The following LY9 variants were observed in gnomAD, a reference collection of about 807,000 sequenced individuals.
The protein encoded by LY9 is lymphocyte antigen 9.
A neutral mutation model predicts 64.6 loss-of-function variants in LY9; 59 were observed. The observed-to-expected ratio is 0.91, with a 90% CI of 0.74 to 1.13. The LOEUF (loss-of-function observed/expected upper bound fraction) is 1.13, where lower values mean the gene tolerates loss of function less well. Among genes scored for constraint, LY9 ranks in the 50% most tolerant of loss-of-function variants. The pLI is 0.00. For missense variants in LY9, 789 were observed against 797.2 expected (o/e 0.99, Z 0.12); for synonymous variants, 281 against 308.5 (o/e 0.91, Z 0.93).
intron 6 of LY9, among the ~76,000 whole-genome samples, chr1:160,819,068 T>C (rs1296327794): frequency 6.6e-6 from 1 of 152,156 alleles, no homozygotes; most frequent in Non-Finnish European, 1.5e-5. Flanking sequence ...TCAGTGGCTA[T>C]GGCAGAGGAG....
chr1:160,824,140 CAT>C (rs1427826917), intron 8 of LY9, 39 bp from the exon 9 acceptor site: 1 of 1,612,966 alleles, frequency 6.2e-7, no homozygotes, highest in East Asian at 2.2e-5. Flanking sequence ...GAAAAGCTCT[CAT>C]GTGGTCACTA....
rs1262048551 is a variant in LY9 at position 160,813,661 on chromosome 1, C to T, written c.480C>T (p.Thr160=). Residue 160 remains threonine, a synonymous_variant, in exon 3 of 10, where the codon ACC becomes ACT. Transcript: ENST00000263285. ...AGCAGCTGCAGGAGCCCCAAGTCAC[C>T]ATGAAGTCTGTGAAGGTGTCTGAGA... ...VYEQLQEPQV[T]MKSVKVSENF... 6.2e-7 allele frequency: 1 copy of T among 1,614,060 alleles called. No homozygotes were observed. Among genetic ancestry groups the T allele is most frequent in the Admixed American group, 1.7e-5 (1 of 60,018 alleles).
At chr1:160,814,340 C>T in intron 3 of LY9, 80 bp from the exon 4 acceptor site, 1 of 1,090,088 alleles carries the variant, frequency 9.2e-7, no homozygotes. Flanking sequence ...CTTCAGTCCC[C>T]TCAGTCCCCT....
intron 5 of LY9, among the ~76,000 whole-genome samples, chr1:160,817,729 C>T (rs920748067): frequency 6.6e-6 from 1 of 152,166 alleles, no homozygotes; most frequent in African/African-American, 2.4e-5. Context: ...CAAGGTCACA[C>T]CATAAAAGCT....
chr1:160,796,289 C>T lies in LY9; in HGVS notation c.102C>T (p.Thr34=), dbSNP rs759579090. Residue 34 remains threonine (T), a synonymous_variant, in exon 1 of 10, where the codon ACC becomes ACT. Coordinates refer to ENST00000263285, the MANE Select transcript of LY9 (RefSeq NM_002348.4). ...QLQIFSSVLQ[T]SLLFLLMGLR... The stretch of plus-strand genomic sequence containing the variant: ...AAATATTCTCTTCTGTTCTACAGAC[C>T]TCTCTCCTCTTCCTGCTCATGGGTA... 3 of 1,613,268 alleles carry T rather than the reference C, an allele frequency of 1.9e-6. No homozygotes were observed. Among genetic ancestry groups the T allele is most frequent in the Non-Finnish European group, 1.7e-6 (2 of 1,179,924 alleles).
intron 7 of LY9, among the ~76,000 whole-genome samples, chr1:160,820,105 A>G (rs1361414409): frequency 3.3e-5 from 5 of 152,208 alleles, no homozygotes; most frequent in African/African-American, 9.7e-5. Flanking sequence ...GTGGACTACA[A>G]TGAGGATGGA....
rs1271130593 is a variant in LY9, at chr1:160,814,629, T to C, written c.940T>C (p.Trp314Arg). The C allele has an allele frequency of 1.2e-6, 2 of 1,614,158 alleles. No individual in the cohort carries two copies. The highest frequency in any genetic ancestry group is 1.1e-5 in the South Asian group (1 of 91,082). The change falls in exon 4 of 10, where the codon TGG becomes CGG. Residue 314 changes from tryptophan to arginine, a missense_variant. Trp to Arg is a moderately radical substitution (Grantham distance 101). Transcript: ENST00000263285. ...CAGGGATCCTTACAAGAACAGGGTG[T>C]GGGTCTCCAGCCAGGACTGCTCCCT... ...KSRDPYKNRVWVSSQDCSLKI... is the reference protein window; with the variant it reads ...KSRDPYKNRVRVSSQDCSLKI...
rs368988487 is a variant in LY9 at position 160,818,186 on chromosome 1, T to C, written c.1343-32T>C. ...TTGCTCCAGTGTGTCTTGTCATTATTTGAATTAACATCACTCATTTCCTCC... is the reference window on the plus strand; with the variant it reads ...TTGCTCCAGTGTGTCTTGTCATTATCTGAATTAACATCACTCATTTCCTCC... On this transcript the variant is annotated intron_variant, in intron 5 of 9. Transcript: ENST00000263285. 13 of 1,422,464 alleles carry C rather than the reference T, an allele frequency of 9.1e-6. No homozygotes were observed. In the African/African-American group the frequency reaches 1.7e-4, roughly 18 times the overall value. The allele number at this position is 1,422,464 out of a possible 1,614,324, so 88.1% of individuals were successfully genotyped here. A position where few individuals can be genotyped will look rare whatever the true frequency, so the allele number is the denominator to read the frequency against.
At chr1:160,805,406 C>CA (rs769799301) in intron 2 of LY9, among the ~76,000 whole-genome samples, 2 of 151,814 alleles carry the variant, frequency 1.3e-5, no homozygotes, top group Non-Finnish European at 2.9e-5. Context: ...GTATCATTTC[C>CA]AAAGTTCCTG....
rs757832588 is a variant in LY9, at chr1:160,827,853, G to A, written c.*37G>A. 5.8e-5 allele frequency: 91 copies of A among 1,578,926 alleles called. No individual in the cohort carries two copies. The highest frequency in any genetic ancestry group is 7.6e-5 in the Non-Finnish European group (88 of 1,156,120). ...GCTGCTGCCTCTCTCCTGGGACCGT[G>A]GGGTTGGAAAGTCAGCTGGACCTCA... On this transcript the variant is annotated 3_prime_UTR_variant, in exon 10 of 10. Coordinates refer to ENST00000263285, the MANE Select transcript of LY9 (RefSeq NM_002348.4).
rs747172463 is a variant in LY9 at position 160,816,624 on chromosome 1, G to T, written c.1103G>T (p.Ser368Ile). 5 of 1,611,198 alleles carry T rather than the reference G, an allele frequency of 3.1e-6. No individual in the cohort carries two copies. The highest frequency in any genetic ancestry group is 1.3e-5 in the African/African-American group (1 of 74,896). Residue 368 changes from serine to isoleucine, a missense_variant, in exon 5 of 10, where the codon AGC becomes ATC. Coordinates refer to ENST00000263285, the MANE Select transcript of LY9 (RefSeq NM_002348.4). Reference protein sequence around the residue: ...RRLRKPKITWSLRHSEDGICR... With the variant: ...RRLRKPKITWILRHSEDGICR... ...CTGAGGAAGCCCAAAATCACGTGGA[G>T]CCTCAGGCACAGTGAGGATGGCATC... is the stretch of plus-strand genomic sequence containing the variant.
intron 2 of LY9, chr1:160,811,547 G>T (rs1281620224): frequency 6.6e-6 from 1 of 152,158 alleles, no homozygotes; most frequent in Non-Finnish European, 1.5e-5. Flanking sequence ...AAACTAGGCA[G>T]TGCCTTCAGC....
intron 2 of LY9, chr1:160,811,621 C>T (rs756861458): frequency 6.6e-6 from 1 of 152,208 alleles, no homozygotes; most frequent in Non-Finnish European, 1.5e-5. Context: ...CTGCTTTCCA[C>T]AAAACACTAG....
rs1553256966 is a variant in LY9 at position 160,803,301 on chromosome 1, T to TA, written c.454+3224dup. Among the ~76,000 whole-genome samples, 1,054 of 151,760 alleles carry TA rather than the reference T, an allele frequency of 6.9e-3. 12 individuals carry two copies. The highest frequency in any genetic ancestry group is 0.024 in the African/African-American group (987 of 41,348). ...GTGTCTAAAAAAAAATTTTTTTTTT[T>TA]AAAAAGTATTGTTTTTCTAATCTGA... On this transcript the variant is annotated intron_variant, in intron 2 of 9. Transcript: ENST00000263285.
intron 2 of LY9, chr1:160,813,234 A>T (rs1048861287): frequency 2.0e-5 from 4 of 198,452 alleles, no homozygotes; most frequent in Non-Finnish European, 3.1e-5. Flanking sequence ...GGCAACTCAA[A>T]TTCTAGAAGC....
intron 2 of LY9, among the ~76,000 whole-genome samples, chr1:160,809,411 T>C (rs1156996557): frequency 6.6e-6 from 1 of 151,670 alleles, no homozygotes; most frequent in Non-Finnish European, 1.5e-5. Flanking sequence ...CATTTTGTTG[T>C]CCAGGCTAGT....
At chr1:160,799,503 C>G in intron 1 of LY9, 1 of 437,370 alleles carries the variant, frequency 2.3e-6, no homozygotes, top group Non-Finnish European at 4.1e-6. Flanking sequence ...AGGCTAATTC[C>G]TCTACTGGAA....
intron 1 of LY9, among the ~76,000 whole-genome samples, chr1:160,796,673 G>T (rs1026782089): frequency 6.6e-6 from 1 of 152,184 alleles, no homozygotes; most frequent in African/African-American, 2.4e-5. Context: ...TTACAGGCGT[G>T]AGCCCAGTTC....
chr1:160,802,493 A>G (rs1464844354), intron 2 of LY9: 2 of 985,528 alleles, frequency 2.0e-6, no homozygotes, highest in Non-Finnish European at 1.2e-6. Context: ...CTGGCCTCCA[A>G]CCCTGCGGGC....
Sources: gnomAD v4.1 joint callset for allele counts (sites outside exome capture counted in the v4.1 genomes callset) on GRCh38, gnomAD v4.1.1 for gene constraint, MANE v1.5 for transcripts, NCBI Gene and HGNC (gene_info 2026-07-23, HGNC 2026-07-21) for gene names.